The following TRIM24 variants were observed in gnomAD, a reference collection of about 807,000 sequenced individuals.
The protein encoded by TRIM24 is tripartite motif containing 24.
In TRIM24, 29 loss-of-function variants were observed where a neutral mutation model predicts 123.9. The observed-to-expected ratio is 0.23, with a 90% confidence interval of 0.17 to 0.32. TRIM24 has a LOEUF of 0.32. TRIM24 is among the 10% of genes least tolerant of loss of function. The pLI is 1.00. For missense variants in TRIM24, 932 were observed against 1,295.3 expected, an observed-to-expected ratio of 0.72 and a Z score of 4.31; for synonymous variants, 456 against 461.1, an observed-to-expected ratio of 0.99 and a Z score of 0.14.
At chr7:138,529,862 T>C (rs1796692662) in intron 6 of TRIM24, among the ~76,000 whole-genome samples, 1 of 152,176 alleles carries the variant, frequency 6.6e-6, no homozygotes, top group Admixed American at 6.5e-5. Context: ...ATGTATAATA[T>C]TAATTGCATG....
At chr7:138,527,029 T>C (rs1285116176) in intron 5 of TRIM24, among the ~76,000 whole-genome samples, 1 of 151,996 alleles carries the variant, frequency 6.6e-6, no homozygotes, top group Non-Finnish European at 1.5e-5. Context: ...GTTTGATTTA[T>C]GGTCAAAGTT....
At chr7:138,563,387 C>T (rs889404261) in intron 9 of TRIM24, among the ~76,000 whole-genome samples, 5 of 152,180 alleles carry the variant, frequency 3.3e-5, no homozygotes, top group South Asian at 2.1e-4. Context: ...TAACCTCAGC[C>T]GGCTTTTGAG....
intron 4 of TRIM24, among the ~76,000 whole-genome samples, chr7:138,521,994 C>G (rs952823199): frequency 6.6e-6 from 1 of 152,082 alleles, no homozygotes; most frequent in Non-Finnish European, 1.5e-5. Flanking sequence ...AGCAGTGTGG[C>G]AGGTGCCTGT....
At chr7:138,539,621 A>G (rs1039387332) in intron 7 of TRIM24, among the ~76,000 whole-genome samples, 3 of 152,164 alleles carry the variant, frequency 2.0e-5, no homozygotes, top group Non-Finnish European at 2.9e-5. Flanking sequence ...GAAGTATACT[A>G]TAAACCATAG....
intron 7 of TRIM24, among the ~76,000 whole-genome samples, chr7:138,544,734 G>A (rs1331424040): frequency 6.6e-6 from 1 of 152,172 alleles, no homozygotes; most frequent in Non-Finnish European, 1.5e-5. Flanking sequence ...ATAGCTCATT[G>A]TGGTCTTGAT....
chr7:138,579,256 G>T lies in TRIM24; in HGVS notation c.2309G>T (p.Ser770Ile), dbSNP rs1043216107. The T allele has an allele frequency of 6.2e-7, 1 of 1,613,178 alleles. No homozygotes were observed. Among genetic ancestry groups the T allele is most frequent in the East Asian group, 2.2e-5 (1 of 44,850 alleles). Reference protein sequence around the residue: ...LTSLLLNSSQSSTSEETVLRS... With the variant: ...LTSLLLNSSQISTSEETVLRS... ...TCCCTGCTCTTAAATAGCAGTCAGA[G>T]CTCTACTTCTGAGGAGACTGTGCTA... The change falls in exon 15 of 19, where the codon AGC becomes ATC. Residue 770 changes from serine to isoleucine, a missense_variant. Around this residue, in one of 7 missense-constraint regions of TRIM24, gnomAD observed 527 missense variants for 691.3 expected, o/e 0.76. Transcript: ENST00000343526.
rs576790197 is a variant in TRIM24, at chr7:138,581,340, C to T, written c.2719-357C>T. ...TGGACCTTCGGCATGCAGAAAGGTGCCTTAGGTCTGGATGCATATTGAGAA... is the reference window on the plus strand; with the variant it reads ...TGGACCTTCGGCATGCAGAAAGGTGTCTTAGGTCTGGATGCATATTGAGAA... On this transcript the variant is annotated intron_variant, in intron 16 of 18. Coordinates refer to ENST00000343526, the MANE Select transcript of TRIM24 (RefSeq NM_015905.3). Among the ~76,000 whole-genome samples the T allele has an allele frequency of 3.3e-5, 5 of 152,280 alleles. No homozygotes were observed. In the East Asian group the frequency reaches 9.7e-4, roughly 29 times the overall value.
At chr7:138,556,631 C>T (rs989747536) in intron 9 of TRIM24, among the ~76,000 whole-genome samples, 1 of 152,144 alleles carries the variant, frequency 6.6e-6, no homozygotes, top group Non-Finnish European at 1.5e-5. Flanking sequence ...AATACATTCC[C>T]AACTGTAGAG....
At chr7:138,494,403 GC>G (rs1315374026) in intron 1 of TRIM24, among the ~76,000 whole-genome samples, 2 of 151,958 alleles carry the variant, frequency 1.3e-5, no homozygotes, top group Non-Finnish European at 2.9e-5. Flanking sequence ...ACAGGCATGA[GC>G]CACCACACCT....
At chr7:138,552,674 A>G (rs1044809035) in intron 8 of TRIM24, among the ~76,000 whole-genome samples, 1 of 152,182 alleles carries the variant, frequency 6.6e-6, no homozygotes, top group African/African-American at 2.4e-5. Context: ...CATACTCACC[A>G]GGAAAGGAGG....
At chr7:138,498,243 G>A (rs1408103877) in intron 1 of TRIM24, among the ~76,000 whole-genome samples, 2 of 150,722 alleles carry the variant, frequency 1.3e-5, no homozygotes, top group Non-Finnish European at 3.0e-5. Flanking sequence ...ATTTTTTTTC[G>A]AGACAGAGTC....
At chr7:138,509,701 CAAAAAAAAAAAA>C (rs538243079) in intron 2 of TRIM24, among the ~76,000 whole-genome samples, 1 of 67,880 alleles carries the variant, frequency 1.5e-5, no homozygotes, top group African/African-American at 5.4e-5. Flanking sequence ...GACTCTGTCT[CAAAAAAAAAAAA>C]AAAAAAAAGG....
intron 3 of TRIM24, among the ~76,000 whole-genome samples, chr7:138,516,829 T>TTC (rs71177993): frequency 2.1e-5 from 3 of 143,284 alleles, no homozygotes; most frequent in African/African-American, 7.5e-5. Context: ...TTTTTTTTTT[T>TTC]GAGACTAGTG....
chr7:138,576,451 C>CT lies in TRIM24; in HGVS notation c.2087+7dup. On this transcript the variant is annotated splice_region_variant and intron_variant, in intron 13 of 18. Transcript: ENST00000343526. The stretch of plus-strand genomic sequence containing the variant: ...AGCGTTGGAAGCCGAGGAAGGTAAA[C>CT]TGACTAAACCATATTTTCTAGTATA... The CT allele has an allele frequency of 6.2e-7, 1 of 1,612,298 alleles. No homozygotes were observed. Among genetic ancestry groups the CT allele is most frequent in the Non-Finnish European group, 8.5e-7 (1 of 1,178,626 alleles).
At position 138,551,313 on chromosome 7, in the gene TRIM24, A is replaced by T. The variant is rs10281577; in HGVS notation, c.1261+133A>T. On this transcript the variant is annotated intron_variant, in intron 8 of 18. Transcript: ENST00000343526. Reference sequence around the variant, plus strand: ...ACATCTGTAATCCTAGCACTTTGGGATCTCTCAAGGATCACTTGAGCCCAG... The same window carrying T: ...ACATCTGTAATCCTAGCACTTTGGGTTCTCTCAAGGATCACTTGAGCCCAG... 6.2e-3 allele frequency: 4,834 copies of T among 785,130 alleles called. 166 individuals are homozygous for T. The African/African-American group carries it at 0.073, about 12-fold the overall frequency. The allele number at this position is 785,130 out of a possible 1,614,324, so 48.6% of individuals were successfully genotyped here.
chr7:138,552,282 T>G (rs1023309693), intron 8 of TRIM24, among the ~76,000 whole-genome samples: 2 of 152,086 alleles, frequency 1.3e-5, no homozygotes, highest in African/African-American at 4.8e-5. Flanking sequence ...TCAGAACATA[T>G]CCCCATCCTT....
intron 2 of TRIM24, among the ~76,000 whole-genome samples, chr7:138,506,890 G>C (rs113642241): frequency 0.038 from 5,793 of 152,230 alleles, 150 homozygotes; most frequent in Middle Eastern, 0.088. Context: ...CTTAGCAAGA[G>C]GTAGTGGGAG....
intron 2 of TRIM24, among the ~76,000 whole-genome samples, chr7:138,513,200 G>A (rs1329375250): frequency 6.6e-6 from 1 of 152,076 alleles, no homozygotes; most frequent in African/African-American, 2.4e-5. Flanking sequence ...CAGCATTTTG[G>A]TCCCAACAAT....
chr7:138,507,925 C>T (rs913763314), intron 2 of TRIM24, among the ~76,000 whole-genome samples: 2 of 151,114 alleles, frequency 1.3e-5, no homozygotes, highest in Non-Finnish European at 2.9e-5. Flanking sequence ...CAGAGTGAGA[C>T]CCTATCTCAA....
Sources: allele counts gnomAD v4.1 joint callset (sites outside exome capture counted in the v4.1 genomes callset), GRCh38; gene constraint gnomAD v4.1.1; regional missense constraint gnomAD v4.1.1; transcripts MANE v1.5; gene names NCBI Gene and HGNC (gene_info 2026-07-23, HGNC 2026-07-21).